The following PTPRD variants were observed in gnomAD, a reference collection of about 807,000 sequenced individuals.
PTPRD encodes the protein protein tyrosine phosphatase receptor type D.
In PTPRD, 34 loss-of-function variants were observed where a neutral mutation model predicts 214.5. The ratio of observed to expected loss-of-function variants is 0.16; its 90% CI spans 0.12 to 0.21. PTPRD has a LOEUF of 0.21. Among genes scored for constraint, PTPRD ranks in the 10% least tolerant of loss-of-function variants. The pLI is 1.00. For missense variants in PTPRD, 2,545 were observed against 2,398.7 expected, an observed-to-expected ratio of 1.06 and a Z score of -1.27; for synonymous variants, 1,128 against 845.7, an observed-to-expected ratio of 1.33 and a Z score of -5.79.
chr9:9,899,923 G>C (rs1441754411), intron 5 of PTPRD, among the ~76,000 whole-genome samples: 1 of 152,046 alleles, frequency 6.6e-6, no homozygotes, highest in Non-Finnish European at 1.5e-5. Context: ...TACTATGTTA[G>C]GTGAAATAAG....
At chr9:10,226,857 C>A (rs2099590533) in intron 3 of PTPRD, among the ~76,000 whole-genome samples, 1 of 151,950 alleles carries the variant, frequency 6.6e-6, no homozygotes. Context: ...TATATATTTA[C>A]CACTCATTAA....
intron 9 of PTPRD, among the ~76,000 whole-genome samples, chr9:9,348,896 G>T (rs1165030567): frequency 6.6e-6 from 1 of 152,030 alleles, no homozygotes; most frequent in African/African-American, 2.4e-5. Flanking sequence ...TCTTCCAATT[G>T]TCAGTGGAGA....
intron 2 of PTPRD, among the ~76,000 whole-genome samples, chr9:10,582,583 T>C (rs571158299): frequency 2.3e-4 from 35 of 152,310 alleles, no homozygotes; most frequent in African/African-American, 8.2e-4. Flanking sequence ...ACTACATATC[T>C]GGGATGACTA....
Position 8,572,989 on chromosome 9 carries a change from T to C in PTPRD, c.353-44210A>G, listed in dbSNP as rs376116386. On this transcript the variant is annotated intron_variant, in intron 14 of 45. Transcript: ENST00000381196. ...ACTTCTTATTCTGGTAAAGTACATT[T>C]AGATTATAATTTATTGCCATCATAG... Among the ~76,000 whole-genome samples the C allele has an allele frequency of 3.9e-5, 6 of 152,050 alleles. No homozygotes were observed. The South Asian group carries it at 1.2e-3, about 32-fold the overall frequency.
intron 34 of PTPRD, among the ~76,000 whole-genome samples, chr9:8,449,012 C>T (rs1010422320): frequency 5.9e-5 from 9 of 152,170 alleles, no homozygotes; most frequent in African/African-American, 2.2e-4. Context: ...TTGGTATAAA[C>T]ATGCTTTAGT....
chr9:9,066,677 A>G (rs956850361), intron 10 of PTPRD, among the ~76,000 whole-genome samples: 1 of 152,154 alleles, frequency 6.6e-6, no homozygotes, highest in African/African-American at 2.4e-5. Context: ...AGGCAGACGA[A>G]GATTTCAGAG....
intron 7 of PTPRD, among the ~76,000 whole-genome samples, chr9:9,599,962 C>A (rs185116220): frequency 5.9e-5 from 9 of 152,130 alleles, no homozygotes; most frequent in Admixed American, 5.9e-4. Flanking sequence ...TTGTTACCAT[C>A]TCAATTGTCC....
At chr9:9,845,906 A>T (rs2059441135) in intron 5 of PTPRD, among the ~76,000 whole-genome samples, 1 of 152,066 alleles carries the variant, frequency 6.6e-6, no homozygotes, top group Non-Finnish European at 1.5e-5. Flanking sequence ...AGTTAATGAC[A>T]TACACCTGGA....
In PTPRD at chr9:9,422,010, T is replaced by A. The variant is rs570937207; in HGVS notation, c.-236-24528A>T. Among the ~76,000 whole-genome samples the A allele has an allele frequency of 4.7e-5, 7 of 149,382 alleles. No homozygotes were observed. The East Asian group carries it at 1.4e-3, about 30-fold the overall frequency. On this transcript the variant is annotated intron_variant, in intron 8 of 45. Coordinates refer to ENST00000381196, the MANE Select transcript of PTPRD (RefSeq NM_002839.4). ...ATTGAAAAAAAAAACAAAAAAACAG[T>A]AAAGAATGTGAAGGAGTAATGAAAG...
intron 2 of PTPRD, among the ~76,000 whole-genome samples, chr9:10,406,748 G>A (rs2098367116): frequency 6.6e-6 from 1 of 151,472 alleles, no homozygotes; most frequent in Admixed American, 6.6e-5. Context: ...TCAAAAATGA[G>A]AGCCAGATTT....
At chr9:9,179,645 T>A (rs1197635540) in intron 10 of PTPRD, among the ~76,000 whole-genome samples, 1 of 152,082 alleles carries the variant, frequency 6.6e-6, no homozygotes, top group Non-Finnish European at 1.5e-5. Flanking sequence ...ACATACACCC[T>A]CCTTTTAAAA....
At chr9:8,724,717 T>C (rs908157722) in intron 12 of PTPRD, among the ~76,000 whole-genome samples, 27 of 151,874 alleles carry the variant, frequency 1.8e-4, no homozygotes, top group Non-Finnish European at 3.4e-4. Flanking sequence ...GTGGAGAGCT[T>C]GAGCCCAGGA....
chr9:9,775,012 T>C (rs1160434333), intron 5 of PTPRD, among the ~76,000 whole-genome samples: 1 of 152,168 alleles, frequency 6.6e-6, no homozygotes, highest in Non-Finnish European at 1.5e-5. Flanking sequence ...GTAGCATTAG[T>C]ACCTGAAAAG....
At chr9:10,168,566 C>G (rs996138709) in intron 3 of PTPRD, among the ~76,000 whole-genome samples, 2 of 152,136 alleles carry the variant, frequency 1.3e-5, no homozygotes, top group African/African-American at 4.8e-5. Context: ...TTGTGCTTCT[C>G]TTTCTCTGAA....
intron 11 of PTPRD, among the ~76,000 whole-genome samples, chr9:8,986,050 C>A (rs1282137645): frequency 6.6e-6 from 1 of 151,976 alleles, no homozygotes; most frequent in Non-Finnish European, 1.5e-5. Context: ...CTTTTTGAGT[C>A]TGTTGGAAAA....
At chr9:10,037,003 T>G (rs1234836547) in intron 3 of PTPRD, among the ~76,000 whole-genome samples, 1 of 151,930 alleles carries the variant, frequency 6.6e-6, no homozygotes, top group Non-Finnish European at 1.5e-5. Context: ...ACCACCCCAG[T>G]CTCCTTGAAG....
At chr9:10,179,153 C>A (rs1330172385) in intron 3 of PTPRD, among the ~76,000 whole-genome samples, 1 of 151,866 alleles carries the variant, frequency 6.6e-6, no homozygotes, top group African/African-American at 2.4e-5. Flanking sequence ...AGTTAGACAT[C>A]ATTCATATCA....
chr9:10,032,399 A>C (rs1288040652), intron 4 of PTPRD, among the ~76,000 whole-genome samples: 5 of 152,166 alleles, frequency 3.3e-5, no homozygotes, highest in South Asian at 2.1e-4. Context: ...ATCTTTGGAG[A>C]TATTCTATGG....
intron 25 of PTPRD, among the ~76,000 whole-genome samples, chr9:8,498,613 G>A (rs570592117): frequency 2.6e-5 from 4 of 152,082 alleles, no homozygotes; most frequent in Non-Finnish European, 2.9e-5. Context: ...ACAAAGAAAC[G>A]CATTTTCATT....
Sources: gnomAD v4.1 joint callset for allele counts (sites outside exome capture counted in the v4.1 genomes callset) on GRCh38, gnomAD v4.1.1 for gene constraint, MANE v1.5 for transcripts, NCBI Gene and HGNC (gene_info 2026-07-23, HGNC 2026-07-21) for gene names.